APBA1: variants seen among roughly 807,000 people sequenced by gnomAD.
APBA1 encodes amyloid-beta A4 precursor protein-binding family A member 1.
Under a neutral mutation model 86.6 loss-of-function variants are expected in APBA1, and 55 were observed. That is an observed-to-expected ratio of 0.64 (90% CI 0.51 to 0.80). The LOEUF (loss-of-function observed/expected upper bound fraction) is 0.80. Ranked by LOEUF, APBA1 falls within the 30% of genes least tolerant of loss-of-function variation. The probability of loss-of-function intolerance (pLI) is 0.00; values close to 1 mark genes in which losing one functional copy is unlikely to be tolerated. For missense variants in APBA1, 1,090 were observed against 1,183.0 expected, an observed-to-expected ratio of 0.92 and a Z score of 1.15; for synonymous variants, 511 against 493.9, an observed-to-expected ratio of 1.03 and a Z score of -0.46.
At chr9:69,607,084 C>T (rs1210445405) in intron 1 of APBA1, among the ~76,000 whole-genome samples, 3 of 152,258 alleles carry the variant, frequency 2.0e-5, no homozygotes, top group East Asian at 3.9e-4. Flanking sequence ...TTTAGTTTGT[C>T]TGTTATTATC....
In APBA1 at chr9:69,516,996, C is replaced by G. The variant is rs766154789; in HGVS notation, c.215G>C (p.Gly72Ala). 2 of 1,581,468 alleles carry G rather than the reference C, an allele frequency of 1.3e-6. No individual in the cohort carries two copies. Among genetic ancestry groups the G allele is most frequent in the Admixed American group, 3.5e-5 (2 of 57,726 alleles). Residue 72 changes from glycine (G) to alanine (A), a missense_variant, in exon 2 of 13, where the codon GGG becomes GCG. Around this residue, in one of 6 missense-constraint regions of APBA1, gnomAD observed 678 missense variants for 647.1 expected, o/e 1.05. Coordinates refer to ENST00000265381, the MANE Select transcript of APBA1 (RefSeq NM_001163.4). The surrounding 1 kb of genome is among the most constrained non-coding windows in gnomAD (Gnocchi z 7.3). ...GCTGGCTGAGCGCGCCAGGCATTCC[C>G]CGCGCTCCTCTTCCTCCTGGCCGAG... is the stretch of plus-strand genomic sequence containing the variant. ...AQLGQEEEER[G>A]ECLARSASTE...
intron 10 of APBA1, 93 bp from the exon 11 acceptor site, chr9:69,441,208 C>G: frequency 1.4e-6 from 2 of 1,460,054 alleles, no homozygotes; most frequent in East Asian, 2.3e-5. Context: ...AGAAGCTGCA[C>G]TGAGTCTTCC....
intron 1 of APBA1, among the ~76,000 whole-genome samples, chr9:69,520,906 C>T (rs1836240999): frequency 1.3e-5 from 2 of 152,170 alleles, no homozygotes; most frequent in Non-Finnish European, 1.5e-5. Flanking sequence ...CCAGTCCATC[C>T]TCCCCACTGC....
At chr9:69,625,881 T>C (rs1241393431) in intron 1 of APBA1, among the ~76,000 whole-genome samples, 1 of 152,158 alleles carries the variant, frequency 6.6e-6, no homozygotes, top group Admixed American at 6.6e-5. Context: ...TGTTAATAAA[T>C]TCAGCAGATT....
intron 1 of APBA1, among the ~76,000 whole-genome samples, chr9:69,528,834 A>G (rs1836381987): frequency 6.6e-6 from 1 of 152,086 alleles, no homozygotes; most frequent in Non-Finnish European, 1.5e-5. Context: ...GTTAGTTTTC[A>G]GAGGCTCATT....
intron 1 of APBA1, among the ~76,000 whole-genome samples, chr9:69,598,757 G>C (rs1356991183): frequency 6.6e-6 from 1 of 152,214 alleles, no homozygotes; most frequent in Non-Finnish European, 1.5e-5. Context: ...AAGGTATCCA[G>C]ACTAGCCTTG....
chr9:69,431,275 C>G lies in APBA1; in HGVS notation c.*52G>C, dbSNP rs1035095128. On this transcript the variant is annotated 3_prime_UTR_variant, in exon 13 of 13. Coordinates refer to ENST00000265381, the MANE Select transcript of APBA1 (RefSeq NM_001163.4). ...GGACACAGGGATGCAGCACGAGAAA[C>G]ACAACCACGAAGAGGAGAGTCCTCC... is the stretch of plus-strand genomic sequence containing the variant. 1 of 1,451,074 alleles carries G rather than the reference C, an allele frequency of 6.9e-7. No individual in the cohort carries two copies. The highest frequency in any genetic ancestry group is 1.4e-5 in the African/African-American group (1 of 69,780). The allele number at this position is 1,451,074 out of a possible 1,614,324, so 89.9% of individuals were successfully genotyped here.
chr9:69,487,576 G>A (rs1030212711), intron 2 of APBA1, among the ~76,000 whole-genome samples: 3 of 152,032 alleles, frequency 2.0e-5, no homozygotes, highest in African/African-American at 7.2e-5. Context: ...GGTCATGAGA[G>A]CTCTACCCTC....
At chr9:69,484,109 T>C (rs1193360576) in intron 2 of APBA1, among the ~76,000 whole-genome samples, 1 of 152,116 alleles carries the variant, frequency 6.6e-6, no homozygotes, top group Non-Finnish European at 1.5e-5. Flanking sequence ...TGCAGCTGGA[T>C]TTTCTTTAAT....
At chr9:69,460,040 T>C (rs914930529) in intron 5 of APBA1, among the ~76,000 whole-genome samples, 1 of 152,220 alleles carries the variant, frequency 6.6e-6, no homozygotes, top group Non-Finnish European at 1.5e-5. Context: ...TGCTCTCTCA[T>C]ATTCCTGGGT....
intron 11 of APBA1, among the ~76,000 whole-genome samples, 154 bp from the exon 12 acceptor site, chr9:69,432,830 CAAAA>C (rs36069357): frequency 6.6e-6 from 1 of 152,102 alleles, no homozygotes; most frequent in Admixed American, 6.5e-5. Flanking sequence ...TGTCTTTTCA[CAAAA>C]AAATAGGTGC....
intron 1 of APBA1, among the ~76,000 whole-genome samples, chr9:69,581,814 CT>C (rs918428916): frequency 2.0e-5 from 3 of 152,108 alleles, no homozygotes; most frequent in Admixed American, 2.0e-4. Context: ...GAGTTTTAGT[CT>C]CTTTGAGGGT....
intron 1 of APBA1, among the ~76,000 whole-genome samples, chr9:69,547,325 G>A (rs778080268): frequency 6.6e-6 from 1 of 152,192 alleles, no homozygotes; most frequent in Non-Finnish European, 1.5e-5. Context: ...GGCAGCCTCA[G>A]TGCCTGCCAC....
At chr9:69,517,744 G>A (rs540490722) in intron 1 of APBA1, among the ~76,000 whole-genome samples, 1 of 152,318 alleles carries the variant, frequency 6.6e-6, no homozygotes, top group South Asian at 2.1e-4. Flanking sequence ...GCCATTCTGA[G>A]AGAGGCTATC....
intron 1 of APBA1, among the ~76,000 whole-genome samples, chr9:69,656,067 T>C (rs1195279707): frequency 6.6e-6 from 1 of 152,200 alleles, no homozygotes; most frequent in Non-Finnish European, 1.5e-5. Flanking sequence ...AACACAACTT[T>C]AACACTACTA....
intron 1 of APBA1, among the ~76,000 whole-genome samples, chr9:69,600,834 A>AAATAAAT (rs1485385151): frequency 2.8e-5 from 4 of 141,712 alleles, no homozygotes; most frequent in African/African-American, 8.1e-5. Context: ...ATAAATAAAT[A>AAATAAAT]AAATAAAATA....
chr9:69,511,979 C>A (rs1231941082), intron 2 of APBA1, among the ~76,000 whole-genome samples: 1 of 151,382 alleles, frequency 6.6e-6, no homozygotes, highest in Admixed American at 6.6e-5. Flanking sequence ...TGCTAGATGA[C>A]GAGTTAGTGG....
chr9:69,523,852 C>CA (rs946796322), intron 1 of APBA1, among the ~76,000 whole-genome samples: 1 of 151,434 alleles, frequency 6.6e-6, no homozygotes, highest in Non-Finnish European at 1.5e-5. Flanking sequence ...TCCATGAATT[C>CA]AAAAAAATCA....
intron 1 of APBA1, among the ~76,000 whole-genome samples, chr9:69,594,359 G>GAAC (rs1297057073): frequency 6.6e-6 from 1 of 152,132 alleles, no homozygotes; most frequent in East Asian, 1.9e-4. Context: ...AAGGAACCAG[G>GAAC]TTGTTTAATC....
Sources: gnomAD v4.1 joint callset for allele counts (sites outside exome capture counted in the v4.1 genomes callset) on GRCh38, gnomAD v4.1.1 for gene constraint, gnomAD v4.1.1 regional missense constraint, Gnocchi (gnomAD v3.1) non-coding constraint, MANE v1.5 for transcripts, NCBI Gene and HGNC (gene_info 2026-07-23, HGNC 2026-07-21) for gene names.